ADGB: variants seen among roughly 807,000 people sequenced by gnomAD.
The protein encoded by ADGB is androglobin, also known as calpain-7-like protein.
In ADGB, 172 loss-of-function variants were observed where a neutral mutation model predicts 210.5. That is an observed-to-expected ratio of 0.82 (90% confidence interval 0.72 to 0.93). ADGB has a LOEUF of 0.93. Among genes scored for constraint, ADGB ranks in the 40% least tolerant of loss-of-function variants. The pLI is 0.00. For synonymous variants in ADGB, 658 were observed against 662.7 expected (o/e 0.99, Z 0.11); for missense variants, 2,025 against 1,964.8 (o/e 1.03, Z -0.58).
At chr6:146,800,254 G>A (rs939271891) in intron 33 of ADGB, among the ~76,000 whole-genome samples, 7 of 151,986 alleles carry the variant, frequency 4.6e-5, no homozygotes, top group African/African-American at 1.7e-4. Flanking sequence ...GAAAGTTGAA[G>A]AATTTTACCA....
rs1777420537 is a variant in ADGB at position 146,757,213 on chromosome 6, A to G, written c.3550+4499A>G. Among the ~76,000 whole-genome samples, 2 of 152,172 alleles carry G rather than the reference A, an allele frequency of 1.3e-5. 1 individual carries two copies. Among genetic ancestry groups the G allele is most frequent in the South Asian group, 4.1e-4 (2 of 4,828 alleles). On this transcript the variant is annotated intron_variant, in intron 27 of 35. Transcript: ENST00000397944. ...CCCATTTGATTTATAGTTATCATAA[A>G]TTATATAAATATTTTCAATATTCAA...
chr6:146,673,707 G>C (rs1776046535), intron 8 of ADGB, among the ~76,000 whole-genome samples: 1 of 152,100 alleles, frequency 6.6e-6, no homozygotes. Context: ...AGAATTCCAA[G>C]CTGCAGAGCA....
At chr6:146,744,242 G>C (rs1037940612) in intron 25 of ADGB, among the ~76,000 whole-genome samples, 4 of 152,122 alleles carry the variant, frequency 2.6e-5, no homozygotes, top group Non-Finnish European at 5.9e-5. Context: ...GAACATCTTT[G>C]GCCGACTAGA....
intron 1 of ADGB, among the ~76,000 whole-genome samples, chr6:146,609,974 A>C (rs188548756): frequency 6.6e-6 from 1 of 152,202 alleles, no homozygotes; most frequent in African/African-American, 2.4e-5. Flanking sequence ...GAATTTGGTG[A>C]CTATATAACT....
chr6:146,678,871 G>A (rs1319492239), intron 9 of ADGB, among the ~76,000 whole-genome samples: 1 of 152,126 alleles, frequency 6.6e-6, no homozygotes, highest in African/African-American at 2.4e-5. Context: ...TGATTCTAAT[G>A]TCATATATAT....
chr6:146,781,934 G>C, intron 29 of ADGB, 86 bp from the exon 30 acceptor site: 1 of 948,864 alleles, frequency 1.1e-6, no homozygotes, highest in Non-Finnish European at 1.4e-6. Context: ...TTAACCATAT[G>C]TCCCTGAGTT....
At chr6:146,645,087 C>T (rs1426040651) in intron 3 of ADGB, among the ~76,000 whole-genome samples, 2 of 151,830 alleles carry the variant, frequency 1.3e-5, no homozygotes, top group South Asian at 4.1e-4. Flanking sequence ...TTGTTTAGAA[C>T]CTTGATTTTT....
At chr6:146,780,084 T>A (rs1777777441) in intron 29 of ADGB, among the ~76,000 whole-genome samples, 1 of 151,968 alleles carries the variant, frequency 6.6e-6, no homozygotes, top group African/African-American at 2.4e-5. Flanking sequence ...AAATTTGTGA[T>A]AATAACAACA....
At chr6:146,795,763 C>T (rs9497634) in intron 33 of ADGB, among the ~76,000 whole-genome samples, 16,661 of 151,966 alleles carry the variant, frequency 0.11, 1,663 homozygotes, top group African/African-American at 0.27. Context: ...CAGAGGAATA[C>T]AAATCATTCT....
At chr6:146,650,597 C>CAAAAAAAAAAAAA (rs57913607) in intron 3 of ADGB, among the ~76,000 whole-genome samples, 2 of 36,534 alleles carry the variant, frequency 5.5e-5, no homozygotes, top group Admixed American at 4.7e-4. Flanking sequence ...TCCCTCCCAC[C>CAAAAAAAAAAAAA]AAAAAAAAAA....
At chr6:146,721,824 G>A (rs1448664183) in intron 17 of ADGB, among the ~76,000 whole-genome samples, 1 of 152,078 alleles carries the variant, frequency 6.6e-6, no homozygotes, top group Non-Finnish European at 1.5e-5. Context: ...GGCAACAAGA[G>A]TGAAACTCTC....
chr6:146,724,173 A>G lies in ADGB; in HGVS notation c.2096-13A>G. ...CATGATCAAACTTTAATACCTTTTT[A>G]CTTATCTTAAAGCCTTAACAAAAGA... On this transcript the variant is annotated splice_polypyrimidine_tract_variant and intron_variant, in intron 17 of 35. Transcript: ENST00000397944. 2 of 1,540,546 alleles carry G rather than the reference A, an allele frequency of 1.3e-6. No individual in the cohort carries two copies. The highest frequency in any genetic ancestry group is 1.7e-6 in the Non-Finnish European group (2 of 1,143,710).
chr6:146,691,439 T>TTTATATATAC (rs1357095945), intron 11 of ADGB, 149 bp downstream of exon 11: 1 of 31,916 alleles, frequency 3.1e-5, no homozygotes, highest in Non-Finnish European at 4.7e-5. Context: ...TATATATATA[T>TTTATATATAC]ATAAAAATAT....
intron 20 of ADGB, among the ~76,000 whole-genome samples, chr6:146,731,996 T>C (rs1452551199): frequency 6.6e-6 from 1 of 152,124 alleles, no homozygotes; most frequent in Non-Finnish European, 1.5e-5. Context: ...ATATTGGTCT[T>C]TGGTTCCATA....
At chr6:146,721,635 C>G in intron 17 of ADGB, 130 bp downstream of exon 17, 1 of 588,278 alleles carries the variant, frequency 1.7e-6, no homozygotes, top group South Asian at 2.1e-5. Flanking sequence ...GTCAGGAGTC[C>G]TAGGCCAGCC....
At chr6:146,736,019 A>G (rs1489848385) in intron 22 of ADGB, among the ~76,000 whole-genome samples, 1 of 152,218 alleles carries the variant, frequency 6.6e-6, no homozygotes, top group East Asian at 1.9e-4. Flanking sequence ...TTAGTTTCTG[A>G]TACAGTAAAT....
intron 7 of ADGB, among the ~76,000 whole-genome samples, chr6:146,671,721 T>C (rs139947569): frequency 6.6e-6 from 1 of 150,922 alleles, no homozygotes; most frequent in African/African-American, 2.4e-5. Context: ...AGAAAGGGAG[T>C]GTTCAAAGGA....
chr6:146,627,074 T>C (rs1780983479), intron 1 of ADGB, among the ~76,000 whole-genome samples: 1 of 152,128 alleles, frequency 6.6e-6, no homozygotes, highest in Admixed American at 6.6e-5. Context: ...GGTATTTGAA[T>C]CTTTTTTTAT....
At chr6:146,797,875 G>A (rs1450213821) in intron 33 of ADGB, among the ~76,000 whole-genome samples, 1 of 151,734 alleles carries the variant, frequency 6.6e-6, no homozygotes, top group East Asian at 1.9e-4. Context: ...ATTTATCCAT[G>A]TAAACAAGCA....
Sources: allele counts gnomAD v4.1 joint callset (sites outside exome capture counted in the v4.1 genomes callset), GRCh38; gene constraint gnomAD v4.1.1; transcripts MANE v1.5; gene names NCBI Gene and HGNC (gene_info 2026-07-23, HGNC 2026-07-21).